Variants in ADAM32 observed in about 807,000 individuals in gnomAD.
The protein encoded by ADAM32 is ADAM metallopeptidase domain 32.
Under a neutral mutation model 114.9 loss-of-function variants are expected in ADAM32, and 89 were observed. That is an observed-to-expected ratio of 0.77 (90% CI 0.65 to 0.92). ADAM32 has a LOEUF of 0.92. Ranked by LOEUF, ADAM32 falls within the 40% of genes least tolerant of loss-of-function variation. The pLI is 0.00. For missense variants in ADAM32, 870 were observed against 932.8 expected, an observed-to-expected ratio of 0.93 and a Z score of 0.88; for synonymous variants, 285 against 307.5, an observed-to-expected ratio of 0.93 and a Z score of 0.77.
intron 22 of ADAM32, among the ~76,000 whole-genome samples, chr8:39,278,347 A>T (rs541893190): frequency 4.9e-4 from 74 of 152,198 alleles, no homozygotes; most frequent in Non-Finnish European, 1.6e-4. Context: ...CTCTCTTTGG[A>T]TGGTGGTTTC....
At chr8:39,269,498 T>G (rs1380351461) in intron 19 of ADAM32, among the ~76,000 whole-genome samples, 1 of 152,228 alleles carries the variant, frequency 6.6e-6, no homozygotes, top group Non-Finnish European at 1.5e-5. Flanking sequence ...TCTCACATTC[T>G]GATTAATTTT....
At chr8:39,208,761 A>C (rs980963326) in intron 11 of ADAM32, among the ~76,000 whole-genome samples, 8 of 152,100 alleles carry the variant, frequency 5.3e-5, no homozygotes, top group Admixed American at 5.2e-4. Flanking sequence ...CTGCTGCCAG[A>C]TGTACTGGCA....
At chr8:39,222,476 T>C (rs1414033082) in intron 13 of ADAM32, among the ~76,000 whole-genome samples, 1 of 152,080 alleles carries the variant, frequency 6.6e-6, no homozygotes, top group African/African-American at 2.4e-5. Flanking sequence ...AGATTCTTTT[T>C]GTAAATTTCC....
At chr8:39,196,003 T>G (rs1806958825) in intron 11 of ADAM32, among the ~76,000 whole-genome samples, 1 of 152,202 alleles carries the variant, frequency 6.6e-6, no homozygotes, top group Non-Finnish European at 1.5e-5. Context: ...GTTTTTGTTC[T>G]CTTTAATTTT....
chr8:39,271,576 A>G (rs1416652729), intron 20 of ADAM32, among the ~76,000 whole-genome samples: 1 of 152,168 alleles, frequency 6.6e-6, no homozygotes, highest in East Asian at 1.9e-4. Context: ...CATAGAAGTT[A>G]AAAAACAAAT....
intron 1 of ADAM32, among the ~76,000 whole-genome samples, chr8:39,112,105 T>C (rs1394984346): frequency 6.6e-6 from 1 of 152,174 alleles, no homozygotes; most frequent in Non-Finnish European, 1.5e-5. Flanking sequence ...GTTACCATCT[T>C]TCCTGATTGT....
intron 2 of ADAM32, among the ~76,000 whole-genome samples, chr8:39,120,921 C>T (rs1840563097): frequency 6.6e-6 from 1 of 151,952 alleles, no homozygotes; most frequent in South Asian, 2.1e-4. Flanking sequence ...TGGGGGAAAA[C>T]CTTGGGTATT....
intron 1 of ADAM32, among the ~76,000 whole-genome samples, chr8:39,115,588 GTT>G (rs546825917): frequency 1.4e-5 from 2 of 142,006 alleles, no homozygotes; most frequent in Non-Finnish European, 3.1e-5. Flanking sequence ...TTTTTAATGG[GTT>G]TTTTTTTTTT....
intron 11 of ADAM32, among the ~76,000 whole-genome samples, chr8:39,197,221 C>T (rs1037767364): frequency 6.6e-6 from 1 of 151,816 alleles, no homozygotes; most frequent in African/African-American, 2.4e-5. Context: ...TGGGTCTTTA[C>T]TCATTTTTTC....
chr8:39,164,827 G>C lies in ADAM32; in HGVS notation c.658G>C (p.Ala220Pro), dbSNP rs1394712361. Residue 220 changes from alanine (A) to proline (P), a missense_variant, in exon 8 of 25, where the codon GCA becomes CCA. Transcript: ENST00000379907. The part of the protein sequence containing the change: ...TNKVIEIVGL[A>P]NSMFTQFKVT... ...TAAAGTCATCGAAATTGTTGGCCTT[G>C]CAAATTCAGTAAGTGTTTTCCTTTT... The C allele has an allele frequency of 6.2e-7, 1 of 1,605,416 alleles. No homozygotes were observed. The highest frequency in any genetic ancestry group is 8.5e-7 in the Non-Finnish European group (1 of 1,175,422).
intron 16 of ADAM32, among the ~76,000 whole-genome samples, chr8:39,235,413 T>C (rs1810059838): frequency 1.3e-5 from 2 of 152,142 alleles, no homozygotes; most frequent in Admixed American, 6.5e-5. Context: ...CTCATTAATA[T>C]TGATTTATTT....
intron 17 of ADAM32, among the ~76,000 whole-genome samples, chr8:39,253,852 C>G (rs1386436161): frequency 6.6e-6 from 1 of 151,350 alleles, no homozygotes; most frequent in African/African-American, 2.4e-5. Context: ...TCTACAGATT[C>G]CATGCAATCC....
intron 6 of ADAM32, 30 bp downstream of exon 6, chr8:39,151,578 T>G (rs191672742): frequency 2.9e-6 from 4 of 1,400,188 alleles, no homozygotes; most frequent in African/African-American, 1.5e-5. Flanking sequence ...TTACTACTTT[T>G]AAAGCAGTTA....
intron 15 of ADAM32, among the ~76,000 whole-genome samples, 172 bp from the exon 16 acceptor site, chr8:39,233,727 G>A (rs917647331): frequency 1.7e-4 from 26 of 152,110 alleles, no homozygotes; most frequent in African/African-American, 6.3e-4. Context: ...TAGGATCAAT[G>A]GATTTATACT....
chr8:39,168,941 G>A (rs1805022861), intron 9 of ADAM32: 2 of 152,116 alleles, frequency 1.3e-5, no homozygotes, highest in African/African-American at 2.4e-5. Flanking sequence ...TCTGTGGGAG[G>A]GAGAAACAGA....
chr8:39,248,904 C>CTT (rs373072424), intron 17 of ADAM32, among the ~76,000 whole-genome samples: 44 of 134,128 alleles, frequency 3.3e-4, no homozygotes, highest in Admixed American at 9.1e-4. Flanking sequence ...TGAGTGTTGA[C>CTT]TTTTTTTTTT....
At chr8:39,277,348 A>G (rs1813138550) in intron 22 of ADAM32, among the ~76,000 whole-genome samples, 4 of 152,214 alleles carry the variant, frequency 2.6e-5, no homozygotes, top group African/African-American at 7.2e-5. Flanking sequence ...TATTCATTTG[A>G]ATTTTAGTAA....
chr8:39,165,396 CT>C, intron 9 of ADAM32, 200 bp downstream of exon 9: 1 of 444,132 alleles, frequency 2.3e-6, no homozygotes, highest in Non-Finnish European at 3.8e-6. Flanking sequence ...GCTAATAAAG[CT>C]TTTATAAATG....
intron 2 of ADAM32, among the ~76,000 whole-genome samples, chr8:39,123,034 T>C (rs1296001953): frequency 6.6e-6 from 1 of 152,252 alleles, no homozygotes; most frequent in African/African-American, 2.4e-5. Flanking sequence ...TTGTATATGG[T>C]GTGAGGTCAG....
Sources: allele counts gnomAD v4.1 joint callset (sites outside exome capture counted in the v4.1 genomes callset), GRCh38; gene constraint gnomAD v4.1.1; transcripts MANE v1.5; gene names NCBI Gene and HGNC (gene_info 2026-07-23, HGNC 2026-07-21).